DLG5: variants seen among roughly 807,000 people sequenced by gnomAD.
DLG5 encodes the protein disks large homolog 5.
Under a neutral mutation model 189.8 loss-of-function variants are expected in DLG5, and 48 were observed. The ratio of observed to expected loss-of-function variants is 0.25; its 90% CI spans 0.20 to 0.32. DLG5 has a LOEUF of 0.32. Ranked by LOEUF, DLG5 falls within the 10% of genes least tolerant of loss-of-function variation. The pLI is 1.00. For missense variants in DLG5, 2,160 were observed against 2,544.7 expected (o/e 0.85, Z 3.25); for synonymous variants, 1,016 against 1,054.1 (o/e 0.96, Z 0.70).
chr10:77,903,284 C>T (rs1191605145), intron 1 of DLG5, among the ~76,000 whole-genome samples: 1 of 151,460 alleles, frequency 6.6e-6, no homozygotes, highest in Admixed American at 6.6e-5. Context: ...AAAAATTAGC[C>T]GGGCGTGGTG....
At position 77,811,114 on chromosome 10, in the gene DLG5, T is replaced by TG. The variant is rs778796396; in HGVS notation, c.4442dup (p.Ala1482SerfsTer51). 15 of 1,611,678 alleles carry TG rather than the reference T, an allele frequency of 9.3e-6. No individual in the cohort carries two copies. The highest frequency in any genetic ancestry group is 2.5e-6 in the Non-Finnish European group (3 of 1,179,876). On this transcript the variant is annotated frameshift_variant, in exon 23 of 32. Coordinates refer to ENST00000372391, the MANE Select transcript of DLG5 (RefSeq NM_004747.4). LOFTEE classifies it high-confidence loss of function. ...CTGACCTGGAGCTGCTCTGCTTGGC[T>TG]GGGGGGGTGCTAGGCCCCTCGTCCT...
intron 1 of DLG5, among the ~76,000 whole-genome samples, chr10:77,908,997 C>T (rs1426023748): frequency 6.6e-6 from 1 of 152,156 alleles, no homozygotes; most frequent in Non-Finnish European, 1.5e-5. Flanking sequence ...AACACAACAG[C>T]AGGATATATA....
intron 1 of DLG5, among the ~76,000 whole-genome samples, chr10:77,898,713 C>T (rs1273134582): frequency 6.6e-6 from 1 of 152,332 alleles, no homozygotes; most frequent in South Asian, 2.1e-4. Context: ...AGGAAGTGGG[C>T]CCCTGCCCCC....
At position 77,821,578 on chromosome 10, in the gene DLG5, T is replaced by A; in HGVS notation, c.2906A>T (p.Gln969Leu). The change falls in exon 15 of 32, where the codon CAA becomes CTA. Residue 969 changes from glutamine to leucine, a missense_variant. Gln to Leu is a moderately radical substitution (Grantham distance 113, BLOSUM62 -2). Coordinates refer to ENST00000372391, the MANE Select transcript of DLG5 (RefSeq NM_004747.4). ...EKLSVYKKPK[Q>L]RKSIFDPNTF... ...GTTAGGGTCAAAGATGGACTTTCTT[T>A]GCTTTGGCTTTTTATAAACAGAGAG... The A allele has an allele frequency of 6.2e-7, 1 of 1,613,044 alleles. No individual in the cohort carries two copies. Among genetic ancestry groups the A allele is most frequent in the Non-Finnish European group, 8.5e-7 (1 of 1,180,036 alleles).
In DLG5 at chr10:77,853,467, T is replaced by C; in HGVS notation, c.751A>G (p.Asn251Asp). The C allele has an allele frequency of 6.2e-7, 1 of 1,611,714 alleles. No individual in the cohort carries two copies. The highest frequency in any genetic ancestry group is 8.5e-7 in the Non-Finnish European group (1 of 1,179,164). ...KDDVDMLRRE[N>D]GQLLRERNLL... is the part of the protein sequence containing the mutation. ...TTTCGCTCCCGCAGCAGCTGCCCATTCTCCCGCCTCAGCATGTCCACGTCA... is the reference window on the plus strand; with the variant it reads ...TTTCGCTCCCGCAGCAGCTGCCCATCCTCCCGCCTCAGCATGTCCACGTCA... Residue 251 changes from asparagine to aspartate, a missense_variant, in exon 5 of 32, where the codon AAT becomes GAT. By Grantham distance (23) the Asn-to-Asp change is conservative. Coordinates refer to ENST00000372391, the MANE Select transcript of DLG5 (RefSeq NM_004747.4).
In DLG5 at chr10:77,821,654, C is replaced by G. The variant is rs200023653; in HGVS notation, c.2830G>C (p.Gly944Arg). 3.1e-6 allele frequency: 5 copies of G among 1,613,114 alleles called. No homozygotes were observed. Reference protein sequence around the residue: ...DKADSEGSNSGGTWPKAMLSS... With the variant: ...DKADSEGSNSRGTWPKAMLSS... ...AGCATGGCCTTGGGCCAGGTCCCGC[C>G]GCTGTTGGAGCCTTCAGAGTCTGCC... Residue 944 changes from glycine (G) to arginine (R), a missense_variant, in exon 15 of 32, where the codon GGC (glycine) becomes CGC (arginine). Gly to Arg is a moderately radical substitution (Grantham distance 125). This residue lies in a region of DLG5 where 754 missense variants were observed against 746.5 expected (regional missense o/e 1.01). Transcript: ENST00000372391.
rs576212261 is a variant in DLG5 at position 77,912,049 on chromosome 10, T to A, written c.304+14168A>T. Reference sequence around the variant, plus strand: ...CCCCATCTCTATGAATTTTTTTTTTTAATTAGCTCAGCATGATGGTGGGTA... The same window carrying A: ...CCCCATCTCTATGAATTTTTTTTTTAAATTAGCTCAGCATGATGGTGGGTA... On this transcript the variant is annotated intron_variant, in intron 1 of 31. Transcript: ENST00000372391. 1.2e-3 allele frequency among the ~76,000 whole-genome samples: 184 copies of A among 151,244 alleles called. 1 individual carries two copies. The highest frequency in any genetic ancestry group is 4.2e-3 in the African/African-American group (173 of 41,248).
chr10:77,892,279 C>G (rs1022242806), intron 1 of DLG5, among the ~76,000 whole-genome samples: 2 of 152,194 alleles, frequency 1.3e-5, no homozygotes, highest in African/African-American at 2.4e-5. Context: ...ATTAGTCAAG[C>G]AACCTGTGAG....
At chr10:77,823,865 C>T (rs936298353) in intron 14 of DLG5, among the ~76,000 whole-genome samples, 1 of 152,118 alleles carries the variant, frequency 6.6e-6, no homozygotes, top group Non-Finnish European at 1.5e-5. Context: ...CTTTGTCACC[C>T]AGGCTGGAGT....
At chr10:77,810,982 C>A in intron 23 of DLG5, 112 bp downstream of exon 23, 1 of 1,344,700 alleles carries the variant, frequency 7.4e-7, no homozygotes, top group African/African-American at 1.5e-5. Context: ...ACCTGGTGTG[C>A]GGCCTGCAGC....
chr10:77,849,720 G>A (rs1843870685), intron 5 of DLG5, among the ~76,000 whole-genome samples: 1 of 152,294 alleles, frequency 6.6e-6, no homozygotes, highest in South Asian at 2.1e-4. Flanking sequence ...CTGTGAGGCA[G>A]ACAGGAAAGG....
Position 77,821,068 on chromosome 10 carries a change from G to A in DLG5, c.3402+14C>T. 1.3e-6 allele frequency: 2 copies of A among 1,590,260 alleles called. No homozygotes were observed. The highest frequency in any genetic ancestry group is 8.6e-7 in the Non-Finnish European group (1 of 1,167,296). On this transcript the variant is annotated intron_variant, in intron 15 of 31. Coordinates refer to ENST00000372391, the MANE Select transcript of DLG5 (RefSeq NM_004747.4). ...CTAGGCCTCCCCTCCCCACACCCTG[G>A]GGCTCAGCTATACCTCCAGGAACTG...
chr10:77,857,441 C>T (rs1322018012), intron 2 of DLG5, among the ~76,000 whole-genome samples: 3 of 152,236 alleles, frequency 2.0e-5, no homozygotes, highest in African/African-American at 7.2e-5. Context: ...TTTTTGCAAG[C>T]CGTCCACCCG....
intron 1 of DLG5, chr10:77,912,243 A>G (rs966008546): frequency 6.6e-6 from 1 of 150,380 alleles, no homozygotes; most frequent in Non-Finnish European, 1.5e-5. Context: ...TTTTCTATTT[A>G]TATCTATCTA....
At chr10:77,848,359 C>T (rs551711291) in intron 5 of DLG5, among the ~76,000 whole-genome samples, 2 of 152,126 alleles carry the variant, frequency 1.3e-5, no homozygotes, top group East Asian at 3.9e-4. Flanking sequence ...TCATGAATTA[C>T]AAGAGAAAGT....
rs150745008 is a variant in DLG5 at position 77,791,526 on chromosome 10, A to G, written c.*914T>C. On this transcript the variant is annotated 3_prime_UTR_variant, in exon 32 of 32. Transcript: ENST00000372391. The stretch of plus-strand genomic sequence containing the variant: ...CTGAAACATGAATGTTTTCATATCA[A>G]AAAGAACTGATGTACCTGCCACCCT... 1 of 152,314 alleles carries G rather than the reference A, an allele frequency of 6.6e-6. No homozygotes were observed. Among genetic ancestry groups the G allele is most frequent in the African/African-American group, 2.4e-5 (1 of 41,560 alleles). The allele number at this position is 152,314 out of a possible 1,614,324, so 9.4% of individuals were successfully genotyped here.
At chr10:77,889,824 T>C (rs1190160876) in intron 1 of DLG5, among the ~76,000 whole-genome samples, 1 of 152,140 alleles carries the variant, frequency 6.6e-6, no homozygotes, top group African/African-American at 2.4e-5. Context: ...GAGCCAGTGG[T>C]TGACAACCAT....
At chr10:77,835,127 C>T (rs148938563) in intron 8 of DLG5, among the ~76,000 whole-genome samples, 31 of 152,264 alleles carry the variant, frequency 2.0e-4, no homozygotes, top group Admixed American at 1.9e-3. Context: ...GACTTGCCCA[C>T]GTCCCTGCCC....
chr10:77,926,899 A>T, upstream of DLG5: 1 of 343,842 alleles, frequency 2.9e-6, no homozygotes, highest in South Asian at 2.0e-5. The surrounding 1 kb of genome is among the most constrained non-coding windows in gnomAD (Gnocchi z 5.2). Context: ...CCCGCGAGAA[A>T]ACTCGCCCCG....
Sources: gnomAD v4.1 joint callset for allele counts (sites outside exome capture counted in the v4.1 genomes callset) on GRCh38, gnomAD v4.1.1 for gene constraint, gnomAD v4.1.1 regional missense constraint, Gnocchi (gnomAD v3.1) non-coding constraint, MANE v1.5 for transcripts, NCBI Gene and HGNC (gene_info 2026-07-23, HGNC 2026-07-21) for gene names.